Variants in SHISA2 observed in about 807,000 individuals in gnomAD.
SHISA2 encodes shisa family member 2, also known as protein shisa-2 homolog.
Under a neutral mutation model 23.8 loss-of-function variants are expected in SHISA2, and 16 were observed. That is an observed-to-expected ratio of 0.67 (90% confidence interval 0.46 to 1.02). The LOEUF (loss-of-function observed/expected upper bound fraction) is 1.02, where lower values mean the gene tolerates loss of function less well. SHISA2 is among the 50% of genes least tolerant of loss of function. The pLI is 0.00. For missense variants in SHISA2, 459 were observed against 420.1 expected (o/e 1.09, Z -0.81); for synonymous variants, 201 against 178.6 (o/e 1.13, Z -1.00).
Position 26,046,737 on chromosome 13 carries a change from T to C in SHISA2, c.664A>G (p.Thr222Ala). 1 of 1,614,242 alleles carries C rather than the reference T, an allele frequency of 6.2e-7. No individual in the cohort carries two copies. Among genetic ancestry groups the C allele is most frequent in the Non-Finnish European group, 8.5e-7 (1 of 1,180,046 alleles). Residue 222 changes from threonine (T) to alanine (A), a missense_variant, in exon 2 of 2, where the codon ACG becomes GCG. By Grantham distance (58) the Thr-to-Ala change is moderately conservative (BLOSUM62 0). Transcript: ENST00000319420. ...TMNNVYVNMP[T>A]NFSVLNCQQA... Reference sequence around the variant, plus strand: ...TGACAGTTCAGCACAGAGAAATTCGTGGGCATGTTGACATACACGTTGTTC... The same window carrying C: ...TGACAGTTCAGCACAGAGAAATTCGCGGGCATGTTGACATACACGTTGTTC...
rs1316318553 is a variant in SHISA2, at chr13:26,050,945, A to C, written c.31T>G (p.Ser11Ala). Residue 11 changes from serine to alanine, a missense_variant, in exon 1 of 2, where the codon TCA becomes GCA. Physicochemically the swap from Ser to Ala is moderately conservative, Grantham distance 99. Transcript: ENST00000319420. The stretch of plus-strand genomic sequence containing the variant: ...AGGAGCGAAGCGGCGTTCCAGGATG[A>C]GGAGACGGACGAGCGGCGAGCGCCC... MWGARRSSVS[S>A]SWNAASLLQL... 2.0e-6 allele frequency: 3 copies of C among 1,519,756 alleles called. No individual in the cohort carries two copies. The highest frequency in any genetic ancestry group is 2.6e-6 in the Non-Finnish European group (3 of 1,141,124). The allele number at this position is 1,519,756 out of a possible 1,614,324, so 94.1% of individuals were successfully genotyped here. A position where few individuals can be genotyped will look rare whatever the true frequency, so the allele number is the denominator to read the frequency against.
In SHISA2 at chr13:26,045,389, T is replaced by C. The variant is rs1446462319; in HGVS notation, c.*1124A>G. 1.3e-5 allele frequency: 2 copies of C among 152,140 alleles called. No individual in the cohort carries two copies. The highest frequency in any genetic ancestry group is 2.9e-5 in the Non-Finnish European group (2 of 68,028). The allele number at this position is 152,140 out of a possible 1,614,324, so 9.4% of individuals were successfully genotyped here. A position where few individuals can be genotyped will look rare whatever the true frequency, so the allele number is the denominator to read the frequency against. On this transcript the variant is annotated 3_prime_UTR_variant, in exon 2 of 2. Transcript: ENST00000319420. ...TTTATGATTTCAATATAAAAAAGAA[T>C]GCATTACCTCTCAGATGTCACCTTA...
At position 26,050,718 on chromosome 13, in the gene SHISA2, G is replaced by A. The variant is rs763571426; in HGVS notation, c.258C>T (p.Gly86=). The A allele has an allele frequency of 8.1e-6, 12 of 1,489,180 alleles. No homozygotes were observed. Among genetic ancestry groups the A allele is most frequent in the African/African-American group, 4.4e-5 (3 of 68,466 alleles). 92.2% of individuals were successfully genotyped at this position (1,489,180 alleles called of 1,614,324 possible). A position where few individuals can be genotyped will look rare whatever the true frequency, so the allele number is the denominator to read the frequency against. Residue 86 remains glycine (G), a synonymous_variant, in exon 1 of 2, where the codon GGC becomes GGT. Coordinates refer to ENST00000319420, the MANE Select transcript of SHISA2 (RefSeq NM_001007538.2). ...CCTGCTGGCGGTCATTGTCGCAGCC[G>A]CCCTGGTCCAGGCGCGCCTCGGCGC... ...CSSAEARLDQ[G]GCDNDRQQGA...
At position 26,048,444 on chromosome 13, in the gene SHISA2, G is replaced by C. The variant is rs544342551; in HGVS notation, c.335-1378C>G. ...GGAGGTGCCTGCAGAATGCCTCTGAGCCACTTTTGTGGAATTCTACCCTAT... is the reference window on the plus strand; with the variant it reads ...GGAGGTGCCTGCAGAATGCCTCTGACCCACTTTTGTGGAATTCTACCCTAT... On this transcript the variant is annotated intron_variant, in intron 1 of 1. Coordinates refer to ENST00000319420, the MANE Select transcript of SHISA2 (RefSeq NM_001007538.2). Among the ~76,000 whole-genome samples, 3 of 151,840 alleles carry C rather than the reference G, an allele frequency of 2.0e-5. No homozygotes were observed. In the South Asian group the frequency reaches 6.2e-4, roughly 31 times the overall value.
At position 26,046,356 on chromosome 13, in the gene SHISA2, A is replaced by G. The variant is rs1593747509; in HGVS notation, c.*157T>C. The G allele has an allele frequency of 4.0e-6, 3 of 742,904 alleles. No individual in the cohort carries two copies. The East Asian group carries it at 8.3e-5, about 21-fold the overall frequency. 46.0% of individuals were successfully genotyped at this position (742,904 alleles called of 1,614,324 possible). ...TACCCTGGATGAAACATATCCAGAAATGCTAATTCGGAGATGTTTTCATAC... is the reference window on the plus strand; with the variant it reads ...TACCCTGGATGAAACATATCCAGAAGTGCTAATTCGGAGATGTTTTCATAC... On this transcript the variant is annotated 3_prime_UTR_variant, in exon 2 of 2. Coordinates refer to ENST00000319420, the MANE Select transcript of SHISA2 (RefSeq NM_001007538.2).
chr13:26,050,669 CCGCCCGGCCA>C lies in SHISA2; in HGVS notation c.297_306del (p.Gly100ThrfsTer58). The C allele has an allele frequency of 6.9e-7, 1 of 1,447,564 alleles. No individual in the cohort carries two copies. Among genetic ancestry groups the C allele is most frequent in the Non-Finnish European group, 9.0e-7 (1 of 1,109,160 alleles). The allele number at this position is 1,447,564 out of a possible 1,614,324, so 89.7% of individuals were successfully genotyped here. ...GCCGAGCCGTCGGGGCCGTCTTTGT[CCGCCCGGCCA>C]GGCTCGCCAGCGCCCTGCTGGCGGT... On this transcript the variant is annotated frameshift_variant, in exon 1 of 2. Coordinates refer to ENST00000319420, the MANE Select transcript of SHISA2 (RefSeq NM_001007538.2). LOFTEE classifies it high-confidence loss of function.
rs1004263148 is a variant in SHISA2, at chr13:26,044,992, T to C, written c.*1521A>G. ...CAGTGTGGGAGAAGAAAGGCAATCC[T>C]TCGTTGAAAAGCTTTTCTCTTAACA... On this transcript the variant is annotated 3_prime_UTR_variant, in exon 2 of 2. Transcript: ENST00000319420. 1 of 152,190 alleles carries C rather than the reference T, an allele frequency of 6.6e-6. No homozygotes were observed. The highest frequency in any genetic ancestry group is 1.5e-5 in the Non-Finnish European group (1 of 68,028). 9.4% of individuals were successfully genotyped at this position (152,190 alleles called of 1,614,324 possible).
At position 26,051,997 on chromosome 13, in the gene SHISA2, G is replaced by A. The variant is rs957347749; in HGVS notation, c.-1022C>T. ...ACAGCCTCGCCTCGCCCCGCCCGGC[G>A]CCAGACCAGCTCCGACTCCGCTCGC... On this transcript the variant is annotated 5_prime_UTR_variant, in exon 1 of 2. Transcript: ENST00000319420. Among the ~76,000 whole-genome samples, 5 of 151,382 alleles carry A rather than the reference G, an allele frequency of 3.3e-5. No homozygotes were observed. Among genetic ancestry groups the A allele is most frequent in the African/African-American group, 1.2e-4 (5 of 41,128 alleles).
Position 26,045,539 on chromosome 13 carries a change from ATT to A in SHISA2, c.*972_*973del, listed in dbSNP as rs1957260470. ...TCTTCATTAGTTAAGTAACTATACA[ATT>A]TATTTCAGTCTCTTTTTAATGTAGA... On this transcript the variant is annotated 3_prime_UTR_variant, in exon 2 of 2. Coordinates refer to ENST00000319420, the MANE Select transcript of SHISA2 (RefSeq NM_001007538.2). The A allele has an allele frequency of 6.6e-6, 1 of 152,238 alleles. No homozygotes were observed. The highest frequency in any genetic ancestry group is 2.4e-5 in the African/African-American group (1 of 41,452). 9.4% of individuals were successfully genotyped at this position (152,238 alleles called of 1,614,324 possible).
rs563812904 is a variant in SHISA2 at position 26,051,497 on chromosome 13, C to G, written c.-522G>C. 2.0e-5 allele frequency among the ~76,000 whole-genome samples: 3 copies of G among 152,228 alleles called. No homozygotes were observed. Among genetic ancestry groups the G allele is most frequent in the African/African-American group, 7.2e-5 (3 of 41,472 alleles). On this transcript the variant is annotated 5_prime_UTR_variant, in exon 1 of 2. Coordinates refer to ENST00000319420, the MANE Select transcript of SHISA2 (RefSeq NM_001007538.2). ...GCGAAGGCGGGCAGTGCACGCAAGG[C>G]TCTGGGCAGCAAGTGACGCAGCCGG...
chr13:26,051,044 C>CT lies in SHISA2; in HGVS notation c.-70_-69insA. ...GACGGTCTCCGAGAAGTCGTGGCCC[C>CT]GGCGACCCCCGGGCCTCGTCACTGA... On this transcript the variant is annotated 5_prime_UTR_variant, in exon 1 of 2. Coordinates refer to ENST00000319420, the MANE Select transcript of SHISA2 (RefSeq NM_001007538.2). The CT allele has an allele frequency of 7.5e-7, 1 of 1,325,432 alleles. No homozygotes were observed. The allele number at this position is 1,325,432 out of a possible 1,614,324, so 82.1% of individuals were successfully genotyped here.
intron 1 of SHISA2, among the ~76,000 whole-genome samples, chr13:26,049,637 G>A (rs1957287326): frequency 6.6e-6 from 1 of 152,132 alleles, no homozygotes; most frequent in African/African-American, 2.4e-5. Flanking sequence ...ATGCTTGACT[G>A]CGAAAGGGAA....
rs1254862877 is a variant in SHISA2 at position 26,050,951 on chromosome 13, C to T, written c.25G>A (p.Val9Ile). 1.2e-5 allele frequency: 18 copies of T among 1,515,242 alleles called. No individual in the cohort carries two copies. The highest frequency in any genetic ancestry group is 1.6e-5 in the Non-Finnish European group (18 of 1,139,150). 93.9% of individuals were successfully genotyped at this position (1,515,242 alleles called of 1,614,324 possible). A position where few individuals can be genotyped will look rare whatever the true frequency, so the allele number is the denominator to read the frequency against. The change falls in exon 1 of 2, where the codon GTC (valine) becomes ATC (isoleucine). Residue 9 changes from valine (V) to isoleucine (I), a missense_variant. Physicochemically the swap from Val to Ile is conservative, Grantham distance 29 (BLOSUM62 3). Transcript: ENST00000319420. MWGARRSS[V>I]SSSWNAASLL... is the part of the protein sequence containing the mutation. Reference sequence around the variant, plus strand: ...GAAGCGGCGTTCCAGGATGAGGAGACGGACGAGCGGCGAGCGCCCCACATG... The same window carrying T: ...GAAGCGGCGTTCCAGGATGAGGAGATGGACGAGCGGCGAGCGCCCCACATG...
chr13:26,047,720 G>A (rs1438505655), intron 1 of SHISA2, among the ~76,000 whole-genome samples: 3 of 152,158 alleles, frequency 2.0e-5, no homozygotes, highest in African/African-American at 4.8e-5. Flanking sequence ...GGGTCCTTGG[G>A]TGGCATTGGG....
intron 1 of SHISA2, 78 bp from the exon 2 acceptor site, chr13:26,047,144 G>C: frequency 7.2e-7 from 1 of 1,391,504 alleles, no homozygotes; most frequent in Non-Finnish European, 9.5e-7. Context: ...CAATGGCAAT[G>C]AATGAATGAG....
chr13:26,046,791 T>C lies in SHISA2; in HGVS notation c.610A>G (p.Thr204Ala). Residue 204 changes from threonine to alanine, a missense_variant, in exon 2 of 2, where the codon ACC becomes GCC. Physicochemically the swap from Thr to Ala is moderately conservative, Grantham distance 58. Coordinates refer to ENST00000319420, the MANE Select transcript of SHISA2 (RefSeq NM_001007538.2). ...GARAPPTRSQTNCCLPEGTMN... is the reference protein window; with the variant it reads ...GARAPPTRSQANCCLPEGTMN... ...GTCCCTTCCGGCAAGCAACAGTTGG[T>C]CTGTGACCTTGTTGGGGGCGCCCGG... 6.2e-7 allele frequency: 1 copy of C among 1,614,130 alleles called. No homozygotes were observed. Among genetic ancestry groups the C allele is most frequent in the Non-Finnish European group, 8.5e-7 (1 of 1,180,022 alleles).
In SHISA2 at chr13:26,046,381, C is replaced by T. The variant is rs1957267363; in HGVS notation, c.*132G>A. The T allele has an allele frequency of 4.6e-6, 4 of 875,012 alleles. No homozygotes were observed. Among genetic ancestry groups the T allele is most frequent in the Non-Finnish European group, 6.8e-6 (4 of 591,216 alleles). The allele number at this position is 875,012 out of a possible 1,614,324, so 54.2% of individuals were successfully genotyped here. ...ATGCTAATTCGGAGATGTTTTCATA[C>T]AGTCTGGGGGCAAATGAAGCCATCC... On this transcript the variant is annotated 3_prime_UTR_variant, in exon 2 of 2. Coordinates refer to ENST00000319420, the MANE Select transcript of SHISA2 (RefSeq NM_001007538.2).
At position 26,046,241 on chromosome 13, in the gene SHISA2, G is replaced by GGCACTTC; in HGVS notation, c.*265_*271dup. 1 of 355,648 alleles carries GGCACTTC rather than the reference G, an allele frequency of 2.8e-6. No individual in the cohort carries two copies. The highest frequency in any genetic ancestry group is 2.1e-5 in the African/African-American group (1 of 48,458). 22.0% of individuals were successfully genotyped at this position (355,648 alleles called of 1,614,324 possible). A position where few individuals can be genotyped will look rare whatever the true frequency, so the allele number is the denominator to read the frequency against. On this transcript the variant is annotated 3_prime_UTR_variant, in exon 2 of 2. Coordinates refer to ENST00000319420, the MANE Select transcript of SHISA2 (RefSeq NM_001007538.2). ...ATTCTTTCGTCAACCATATCTCAAG[G>GGCACTTC]GCACTTCGGACTCAAGCATTTGTTA...
chr13:26,049,403 C>T (rs963709862), intron 1 of SHISA2, among the ~76,000 whole-genome samples: 1 of 152,178 alleles, frequency 6.6e-6, no homozygotes, highest in Non-Finnish European at 1.5e-5. Context: ...CCTGAGAAGT[C>T]CCGACTAATC....
Sources: gnomAD v4.1 joint callset for allele counts (sites outside exome capture counted in the v4.1 genomes callset) on GRCh38, gnomAD v4.1.1 for gene constraint, MANE v1.5 for transcripts, NCBI Gene and HGNC (gene_info 2026-07-23, HGNC 2026-07-21) for gene names.